Variants in ATE1 observed in about 807,000 individuals in gnomAD.
The protein encoded by ATE1 is arginyl-tRNA--protein transferase 1.
Under a neutral mutation model 70.5 loss-of-function variants are expected in ATE1, and 36 were observed. That is an observed-to-expected ratio of 0.51 (90% CI 0.39 to 0.67). The LOEUF is 0.67. Among genes scored for constraint, ATE1 ranks in the 30% least tolerant of loss-of-function variants. The pLI is 0.00. For missense variants in ATE1, 593 were observed against 629.5 expected (o/e 0.94, Z 0.62); for synonymous variants, 232 against 219.3 (o/e 1.06, Z -0.51).
At chr10:121,863,551 G>A (rs1949553616) in intron 8 of ATE1, among the ~76,000 whole-genome samples, 1 of 151,890 alleles carries the variant, frequency 6.6e-6, no homozygotes. Flanking sequence ...GCGCCCAGCC[G>A]CCCTGAAGTC....
chr10:121,871,022 C>T (rs1042857602), intron 7 of ATE1, among the ~76,000 whole-genome samples: 6 of 152,178 alleles, frequency 3.9e-5, no homozygotes, highest in African/African-American at 1.2e-4. Context: ...AAAGCTAGTA[C>T]TCGCAGGGAA....
chr10:121,763,982 C>T (rs556687588), intron 11 of ATE1, among the ~76,000 whole-genome samples: 2 of 152,144 alleles, frequency 1.3e-5, no homozygotes, highest in African/African-American at 4.8e-5. Context: ...CCACTGCACT[C>T]CAGAGCGACA....
intron 10 of ATE1, among the ~76,000 whole-genome samples, chr10:121,805,697 A>G (rs1276747895): frequency 6.6e-6 from 1 of 152,242 alleles, no homozygotes; most frequent in Non-Finnish European, 1.5e-5. Context: ...TATATTTTAA[A>G]TATTTACAAA....
chr10:121,772,456 C>T (rs1564824904), intron 11 of ATE1, among the ~76,000 whole-genome samples: 1 of 152,110 alleles, frequency 6.6e-6, no homozygotes, highest in Non-Finnish European at 1.5e-5. Context: ...GTGAAATCTT[C>T]GTAAAACTCT....
chr10:121,927,539 T>C, intron 1 of ATE1: 2 of 985,130 alleles, frequency 2.0e-6, no homozygotes, highest in African/African-American at 3.5e-5. Context: ...CTCTGGGGCG[T>C]TCCCTGGCAC....
chr10:121,883,684 T>TA (rs1336607515), intron 7 of ATE1, among the ~76,000 whole-genome samples: 5 of 152,184 alleles, frequency 3.3e-5, no homozygotes, highest in African/African-American at 1.2e-4. Flanking sequence ...ATCTCAGCAA[T>TA]AAAAAACGTT....
In ATE1 at chr10:121,811,951, C is replaced by CTTT. The variant is rs71022870; in HGVS notation, c.1258-21665_1258-21663dup. Among the ~76,000 whole-genome samples, 293 of 74,708 alleles carry CTTT rather than the reference C, an allele frequency of 3.9e-3. 5 individuals are homozygous for CTTT. The highest frequency in any genetic ancestry group is 0.017 in the East Asian group (40 of 2,386). The allele number at this position is 74,708 out of a possible 152,430, so 49.0% of individuals were successfully genotyped here. A position where few individuals can be genotyped will look rare whatever the true frequency, so the allele number is the denominator to read the frequency against. ...CCTTCTATGAACCTTATTCCAAATT[C>CTTT]TTTTTTTTTTTTTTTTTTTTTTTTT... On this transcript the variant is annotated intron_variant, in intron 10 of 11. Transcript: ENST00000224652.
intron 11 of ATE1, among the ~76,000 whole-genome samples, chr10:121,746,188 A>T (rs1944363243): frequency 6.6e-6 from 1 of 152,182 alleles, no homozygotes; most frequent in South Asian, 2.1e-4. Context: ...ATCTTTCTTC[A>T]TAGCACTTAC....
intron 8 of ATE1, among the ~76,000 whole-genome samples, chr10:121,859,750 T>C (rs1159340822): frequency 6.6e-6 from 1 of 151,796 alleles, no homozygotes; most frequent in African/African-American, 2.4e-5. Flanking sequence ...AAGACCAACC[T>C]GGCCCACATG....
At chr10:121,799,282 C>A (rs918528687) in intron 10 of ATE1, among the ~76,000 whole-genome samples, 6 of 152,054 alleles carry the variant, frequency 3.9e-5, no homozygotes, top group Admixed American at 6.6e-5. Flanking sequence ...CTGGAGCAGC[C>A]AGCAATACTG....
rs572420473 is a variant in ATE1, at chr10:121,820,671, G to A, written c.1257+16047C>T. ...GCTAATATAATTCTACAGGAAGAGA[G>A]CAACAGTTAAACTAGTATTTTGCCC... On this transcript the variant is annotated intron_variant, in intron 10 of 11. Coordinates refer to ENST00000224652, the MANE Select transcript of ATE1 (RefSeq NM_001001976.3). Among the ~76,000 whole-genome samples the A allele has an allele frequency of 2.2e-3, 342 of 152,286 alleles. 2 individuals are homozygous for A. Among genetic ancestry groups the A allele is most frequent in the African/African-American group, 7.9e-3 (329 of 41,570 alleles).
At chr10:121,804,249 G>A (rs1400069492) in intron 10 of ATE1, among the ~76,000 whole-genome samples, 1 of 152,106 alleles carries the variant, frequency 6.6e-6, no homozygotes, top group Non-Finnish European at 1.5e-5. Flanking sequence ...AAACACCAGG[G>A]AATTTTGAAT....
intron 7 of ATE1, among the ~76,000 whole-genome samples, chr10:121,896,787 G>A (rs1216688105): frequency 8.6e-6 from 1 of 116,904 alleles, no homozygotes; most frequent in African/African-American, 3.5e-5. Flanking sequence ...TCACGCCACT[G>A]CACTCCAGCC....
chr10:121,836,015 G>C (rs1052254070), intron 10 of ATE1, among the ~76,000 whole-genome samples: 1 of 152,126 alleles, frequency 6.6e-6, no homozygotes, highest in Non-Finnish European at 1.5e-5. Flanking sequence ...ACCTTAGCCT[G>C]GCCTTCAGGG....
intron 11 of ATE1, among the ~76,000 whole-genome samples, chr10:121,764,377 A>G (rs1564818159): frequency 6.6e-6 from 1 of 151,980 alleles, no homozygotes; most frequent in Non-Finnish European, 1.5e-5. Context: ...TGGCTCACAC[A>G]TGTAATCCCA....
At chr10:121,859,691 C>T (rs9730982) in intron 8 of ATE1, among the ~76,000 whole-genome samples, 13,077 of 152,110 alleles carry the variant, frequency 0.086, 1,784 homozygotes, top group African/African-American at 0.29. Context: ...CCTGTAATCC[C>T]AACACTATGG....
intron 11 of ATE1, among the ~76,000 whole-genome samples, chr10:121,782,051 C>CA (rs765460236): frequency 6.6e-6 from 1 of 151,750 alleles, no homozygotes. Context: ...TTAACATCCA[C>CA]AAAAAAGAAT....
chr10:121,866,135 C>T (rs1286964153), intron 8 of ATE1, among the ~76,000 whole-genome samples: 1 of 152,232 alleles, frequency 6.6e-6, no homozygotes, highest in African/African-American at 2.4e-5. Context: ...CACTCTCCTG[C>T]CTTGCCTTTG....
At chr10:121,796,279 G>C (rs1946655788) in intron 10 of ATE1, among the ~76,000 whole-genome samples, 1 of 152,040 alleles carries the variant, frequency 6.6e-6, no homozygotes, top group Admixed American at 6.5e-5. Flanking sequence ...TAAGATGCCT[G>C]AAAAAGTTAA....
Sources: allele counts gnomAD v4.1 joint callset (sites outside exome capture counted in the v4.1 genomes callset), GRCh38; gene constraint gnomAD v4.1.1; transcripts MANE v1.5; gene names NCBI Gene and HGNC (gene_info 2026-07-23, HGNC 2026-07-21).